Variants in NRXN1 observed in about 807,000 individuals in gnomAD.
NRXN1 encodes the protein neurexin 1.
NRXN1 carries 39 observed loss-of-function variants against 150.9 expected under a neutral mutation model. That is an observed-to-expected ratio of 0.26 (90% CI 0.20 to 0.34). The LOEUF (loss-of-function observed/expected upper bound fraction) is 0.34. Ranked by LOEUF, NRXN1 falls within the 10% of genes least tolerant of loss-of-function variation. NRXN1 has a pLI of 1.00. For synonymous variants in NRXN1, 924 were observed against 757.0 expected, an observed-to-expected ratio of 1.22 and a Z score of -3.62; for missense variants, 1,815 against 1,949.9, an observed-to-expected ratio of 0.93 and a Z score of 1.30.
At chr2:50,360,340 C>T (rs926524525) in intron 17 of NRXN1, among the ~76,000 whole-genome samples, 51 of 152,152 alleles carry the variant, frequency 3.4e-4, no homozygotes, top group African/African-American at 2.4e-5. Flanking sequence ...CAAGACCAAT[C>T]GGTGTGCTGT....
At chr2:50,788,646 G>A (rs911941738) in intron 5 of NRXN1, among the ~76,000 whole-genome samples, 4 of 151,952 alleles carry the variant, frequency 2.6e-5, no homozygotes, top group Non-Finnish European at 2.9e-5. Context: ...AAACCCTTTC[G>A]AGAAGGCCTC....
chr2:50,879,170 G>A (rs765239088), intron 5 of NRXN1, among the ~76,000 whole-genome samples: 1 of 151,824 alleles, frequency 6.6e-6, no homozygotes, highest in Non-Finnish European at 1.5e-5. Context: ...TCTCAGAAAG[G>A]AGGGATTCTG....
At chr2:50,862,677 T>A (rs1032913270) in intron 5 of NRXN1, among the ~76,000 whole-genome samples, 1 of 152,096 alleles carries the variant, frequency 6.6e-6, no homozygotes. Context: ...CTGCTGTTTA[T>A]TGAGTACCTA....
At chr2:50,980,067 T>C (rs896431358) in intron 2 of NRXN1, among the ~76,000 whole-genome samples, 1 of 152,176 alleles carries the variant, frequency 6.6e-6, no homozygotes, top group African/African-American at 2.4e-5. Context: ...TATCGTTCTC[T>C]TAGTTTTGCT....
chr2:49,955,420 A>T (rs182346619), intron 21 of NRXN1, among the ~76,000 whole-genome samples: 8 of 152,256 alleles, frequency 5.3e-5, no homozygotes, highest in African/African-American at 1.7e-4. Flanking sequence ...GTAGAGAAAT[A>T]GCAAAAAGTG....
chr2:50,620,341 T>C (rs1573822448), intron 7 of NRXN1, among the ~76,000 whole-genome samples, 158 bp from the exon 8 acceptor site: 1 of 152,190 alleles, frequency 6.6e-6, no homozygotes, highest in South Asian at 2.1e-4. Flanking sequence ...TTTAGACCTA[T>C]GACGGAACCC....
rs144605154 is a variant in NRXN1, at chr2:50,225,182, C to T, written c.3546+11607G>A. 1.4e-3 allele frequency among the ~76,000 whole-genome samples: 218 copies of T among 152,066 alleles called. 1 individual carries two copies. The highest frequency in any genetic ancestry group is 5.0e-3 in the African/African-American group (206 of 41,536). ...TTATCCTTTGGTACTGTACCTCATA[C>T]TATGCTCCAAGGAGAGCACTTCTGG... On this transcript the variant is annotated intron_variant, in intron 18 of 22. Transcript: ENST00000401669.
chr2:50,998,042 C>A (rs1432525496), intron 2 of NRXN1, among the ~76,000 whole-genome samples: 1 of 141,360 alleles, frequency 7.1e-6, no homozygotes, highest in East Asian at 2.0e-4. Context: ...GAAATAGGGT[C>A]AATGTCAACA....
intron 17 of NRXN1, among the ~76,000 whole-genome samples, chr2:50,273,769 GA>G (rs752971575): frequency 6.6e-6 from 1 of 151,904 alleles, no homozygotes; most frequent in African/African-American, 2.4e-5. Flanking sequence ...AAAAACATAT[GA>G]AAAAAAGCTC....
intron 5 of NRXN1, among the ~76,000 whole-genome samples, chr2:50,865,393 G>C (rs1676736832): frequency 6.6e-6 from 1 of 151,792 alleles, no homozygotes; most frequent in African/African-American, 2.4e-5. Flanking sequence ...GTGTCTCTGT[G>C]TGTTAAATCA....
At chr2:50,228,349 G>T (rs762860374) in intron 18 of NRXN1, among the ~76,000 whole-genome samples, 24 of 151,980 alleles carry the variant, frequency 1.6e-4, no homozygotes, top group Non-Finnish European at 2.6e-4. Flanking sequence ...GGTATAGGTT[G>T]AGAGACATGG....
At chr2:50,584,155 G>A (rs1360184314) in intron 8 of NRXN1, among the ~76,000 whole-genome samples, 1 of 152,162 alleles carries the variant, frequency 6.6e-6, no homozygotes, top group Non-Finnish European at 1.5e-5. Flanking sequence ...TTATGTCTTT[G>A]AATTAGGAGA....
intron 2 of NRXN1, among the ~76,000 whole-genome samples, chr2:50,953,340 G>A (rs1434882525): frequency 6.6e-6 from 1 of 152,036 alleles, no homozygotes; most frequent in Admixed American, 6.6e-5. Context: ...CAAATTGTCT[G>A]GAATATAGTA....
At chr2:50,569,999 T>C (rs990826132) in intron 8 of NRXN1, among the ~76,000 whole-genome samples, 2 of 152,186 alleles carry the variant, frequency 1.3e-5, no homozygotes, top group African/African-American at 2.4e-5. Context: ...GTAACTACTG[T>C]TGCCAATTAA....
intron 10 of NRXN1, among the ~76,000 whole-genome samples, chr2:50,534,619 A>C (rs1396472589): frequency 6.6e-6 from 1 of 152,212 alleles, no homozygotes; most frequent in Non-Finnish European, 1.5e-5. Flanking sequence ...TAAACTAGAC[A>C]ATCATGACCC....
At chr2:50,175,929 C>G (rs1408138487) in intron 18 of NRXN1, among the ~76,000 whole-genome samples, 2 of 152,040 alleles carry the variant, frequency 1.3e-5, no homozygotes, top group African/African-American at 4.8e-5. Context: ...AAGAAAAAGC[C>G]ATGAGGTCTT....
At chr2:50,499,370 C>T (rs187731352) in intron 13 of NRXN1, among the ~76,000 whole-genome samples, 1 of 152,216 alleles carries the variant, frequency 6.6e-6, no homozygotes, top group Admixed American at 6.5e-5. Flanking sequence ...ACAAAAATGT[C>T]ACCATAAATA....
intron 17 of NRXN1, among the ~76,000 whole-genome samples, chr2:50,394,670 C>T (rs912973855): frequency 3.3e-5 from 5 of 152,042 alleles, no homozygotes; most frequent in Non-Finnish European, 5.9e-5. Flanking sequence ...AATCTATTGT[C>T]CACACTGCAG....
intron 5 of NRXN1, among the ~76,000 whole-genome samples, chr2:50,857,711 T>C (rs1675474270): frequency 6.6e-6 from 1 of 152,054 alleles, no homozygotes; most frequent in South Asian, 2.1e-4. Context: ...TGATTATCCA[T>C]CCCTCGGTGA....
Sources: allele counts gnomAD v4.1 joint callset (sites outside exome capture counted in the v4.1 genomes callset), GRCh38; gene constraint gnomAD v4.1.1; transcripts MANE v1.5; gene names NCBI Gene and HGNC (gene_info 2026-07-23, HGNC 2026-07-21).